The following ATP10D variants were observed in gnomAD, a reference collection of about 807,000 sequenced individuals.
The protein encoded by ATP10D is phospholipid-transporting ATPase VD.
ATP10D carries 89 observed loss-of-function variants against 144.8 expected under a neutral mutation model. The observed-to-expected ratio is 0.61, with a 90% CI of 0.52 to 0.73. The LOEUF (loss-of-function observed/expected upper bound fraction) is 0.73. ATP10D is among the 30% of genes least tolerant of loss of function. The pLI is 0.00. For missense variants in ATP10D, 1,603 were observed against 1,714.8 expected, an observed-to-expected ratio of 0.93 and a Z score of 1.15; for synonymous variants, 571 against 615.1, an observed-to-expected ratio of 0.93 and a Z score of 1.06.
Position 47,528,715 on chromosome 4 carries a change from C to T in ATP10D, c.776+3073C>T, listed in dbSNP as rs557642656. Among the ~76,000 whole-genome samples, 14 of 152,046 alleles carry T rather than the reference C, an allele frequency of 9.2e-5. No individual in the cohort carries two copies. The South Asian group carries it at 1.9e-3, about 20-fold the overall frequency. ...ACAAATGGTAGTTCTATTTTTAGTT[C>T]GTTGAGAGGTCTTCATACTGTTATC... On this transcript the variant is annotated intron_variant, in intron 5 of 22. Transcript: ENST00000273859.
chr4:47,591,340 G>A lies in ATP10D; in HGVS notation c.4240G>A (p.Ala1414Thr). Residue 1414 changes from alanine (A) to threonine (T), a missense_variant, in exon 23 of 23, where the codon GCC (alanine) becomes ACC (threonine). Ala to Thr is a moderately conservative substitution (Grantham distance 58). Transcript: ENST00000273859. ...ALDQGYSETK[A>T]FEMAGPSKGK... ...AGATCAAGGCTACTCTGAAACTAAG[G>A]CCTTTGAGATGGCTGGACCCTCCAA... The A allele has an allele frequency of 1.2e-6, 2 of 1,612,702 alleles. No individual in the cohort carries two copies. Among genetic ancestry groups the A allele is most frequent in the Non-Finnish European group, 8.5e-7 (1 of 1,179,082 alleles).
intron 10 of ATP10D, among the ~76,000 whole-genome samples, chr4:47,552,275 G>A (rs530152575): frequency 3.9e-5 from 6 of 152,198 alleles, no homozygotes; most frequent in Admixed American, 2.0e-4. Context: ...GGCATATTAC[G>A]TTGACTACAT....
chr4:47,511,199 A>T (rs1162820247), intron 1 of ATP10D, among the ~76,000 whole-genome samples: 4 of 152,218 alleles, frequency 2.6e-5, no homozygotes, highest in Non-Finnish European at 5.9e-5. Context: ...TATTGAAGAG[A>T]TAGTAAATGT....
At chr4:47,521,722 C>G (rs12503999) in intron 3 of ATP10D, among the ~76,000 whole-genome samples, 42,784 of 152,044 alleles carry the variant, frequency 0.28, 6,495 homozygotes, top group Admixed American at 0.35. Context: ...CCTTTTTTAT[C>G]TTTGCTCTGT....
chr4:47,506,286 A>C (rs967470558), intron 1 of ATP10D, among the ~76,000 whole-genome samples: 5 of 152,234 alleles, frequency 3.3e-5, no homozygotes, highest in African/African-American at 7.2e-5. Flanking sequence ...CTGAAAAATG[A>C]AATGAAATTC....
At position 47,592,507 on chromosome 4, in the gene ATP10D, G is replaced by T. The variant is rs894040438; in HGVS notation, c.*1126G>T. On this transcript the variant is annotated 3_prime_UTR_variant, in exon 23 of 23. Coordinates refer to ENST00000273859, the MANE Select transcript of ATP10D (RefSeq NM_020453.4). ...TATGCTGGCTTTAGTTGTAACAAAC[G>T]ATTTTATTCTAAGTAAGGCCAGGTG... 1 of 152,458 alleles carries T rather than the reference G, an allele frequency of 6.6e-6. No homozygotes were observed. The highest frequency in any genetic ancestry group is 1.5e-5 in the Non-Finnish European group (1 of 67,994). 9.4% of individuals were successfully genotyped at this position (152,458 alleles called of 1,614,324 possible).
At chr4:47,504,148 C>G (rs767096345) in intron 1 of ATP10D, among the ~76,000 whole-genome samples, 3 of 152,120 alleles carry the variant, frequency 2.0e-5, no homozygotes, top group Non-Finnish European at 2.9e-5. Context: ...GATTATGTAA[C>G]TTCATTATTC....
intron 1 of ATP10D, among the ~76,000 whole-genome samples, chr4:47,509,091 G>A (rs1214660391): frequency 2.0e-5 from 3 of 152,154 alleles, no homozygotes; most frequent in Admixed American, 6.6e-5. Flanking sequence ...AAGAGTGAAA[G>A]GCTCTTTCCT....
chr4:47,505,176 C>G (rs7699242), intron 1 of ATP10D, among the ~76,000 whole-genome samples: 1 of 152,010 alleles, frequency 6.6e-6, no homozygotes, highest in South Asian at 2.1e-4. Flanking sequence ...TTCTTGTATC[C>G]GCTGTCAAGC....
chr4:47,568,174 C>T (rs1719740212), intron 15 of ATP10D, among the ~76,000 whole-genome samples: 1 of 152,144 alleles, frequency 6.6e-6, no homozygotes, highest in Admixed American at 6.5e-5. Flanking sequence ...AGGATGTATG[C>T]AAAGGAGACG....
chr4:47,540,956 C>T (rs1200702552), intron 9 of ATP10D, among the ~76,000 whole-genome samples: 1 of 152,138 alleles, frequency 6.6e-6, no homozygotes, highest in African/African-American at 2.4e-5. Context: ...ATTTGTGAAT[C>T]TGATTTACAT....
chr4:47,520,958 A>G (rs1716917706), intron 3 of ATP10D, among the ~76,000 whole-genome samples: 1 of 152,176 alleles, frequency 6.6e-6, no homozygotes, highest in Admixed American at 6.5e-5. Flanking sequence ...ACTTTCTCCA[A>G]GGCCACCAGA....
Position 47,591,211 on chromosome 4 carries a change from T to A in ATP10D, c.4111T>A (p.Ser1371Thr). Residue 1371 changes from serine to threonine, a missense_variant, in exon 23 of 23, where the codon TCA (serine) becomes ACA (threonine). Ser to Thr is a moderately conservative substitution (Grantham distance 58, BLOSUM62 1). Transcript: ENST00000273859. Reference sequence around the variant, plus strand: ...GTATGCTAACCAATCAGCTGGCAAGTCAGGAAGAAGACCCATGCCTGGCCC... The same window carrying A: ...GTATGCTAACCAATCAGCTGGCAAGACAGGAAGAAGACCCATGCCTGGCCC... ...SKYANQSAGKSGRRPMPGPSA... is the reference protein window; with the variant it reads ...SKYANQSAGKTGRRPMPGPSA... The A allele has an allele frequency of 6.2e-7, 1 of 1,613,572 alleles. No homozygotes were observed. The highest frequency in any genetic ancestry group is 8.5e-7 in the Non-Finnish European group (1 of 1,179,614).
chr4:47,569,185 T>G (rs761444642), intron 16 of ATP10D, 39 bp downstream of exon 16: 17 of 1,586,930 alleles, frequency 1.1e-5, no homozygotes, highest in Non-Finnish European at 1.5e-5. Flanking sequence ...CTTCTCCCTT[T>G]CACACCACAC....
At position 47,563,604 on chromosome 4, in the gene ATP10D, C is replaced by G; in HGVS notation, c.2692C>G (p.Leu898Val). 1 of 1,610,256 alleles carries G rather than the reference C, an allele frequency of 6.2e-7. No individual in the cohort carries two copies. The highest frequency in any genetic ancestry group is 2.2e-5 in the East Asian group (1 of 44,830). Reference protein sequence around the residue: ...LLGATGIEDRLQEGVPESIEA... With the variant: ...LLGATGIEDRVQEGVPESIEA... Reference sequence around the variant, plus strand: ...AGGTGCTACTGGCATTGAAGACCGTCTGCAGGAGGGAGTCCCTGAATCTAT... The same window carrying G: ...AGGTGCTACTGGCATTGAAGACCGTGTGCAGGAGGGAGTCCCTGAATCTAT... Residue 898 changes from leucine to valine, a missense_variant, in exon 15 of 23, where the codon CTG becomes GTG. Transcript: ENST00000273859.
intron 5 of ATP10D, among the ~76,000 whole-genome samples, chr4:47,531,771 C>T (rs907796824): frequency 6.6e-6 from 1 of 152,074 alleles, no homozygotes; most frequent in Non-Finnish European, 1.5e-5. Flanking sequence ...CATTTTTTCA[C>T]CTGAGGTCAG....
intron 1 of ATP10D, among the ~76,000 whole-genome samples, chr4:47,497,731 A>G (rs1480744212): frequency 6.6e-6 from 1 of 152,256 alleles, no homozygotes; most frequent in Non-Finnish European, 1.5e-5. Context: ...CTATATATGC[A>G]TGAATAAGAA....
rs1238589872 is a variant in ATP10D, at chr4:47,536,775, T to C, written c.1233T>C (p.Asn411=). Residue 411 remains asparagine, a synonymous_variant, in exon 9 of 23, where the codon AAT becomes AAC. Coordinates refer to ENST00000273859, the MANE Select transcript of ATP10D (RefSeq NM_020453.4). ...YFIQSDVDFY[N]EKMDSIVQCR... ...TTCAAAGTGATGTGGATTTCTACAA[T>C]GAAAAAATGGATTCTATTGTTCAGT... 7.4e-6 allele frequency: 12 copies of C among 1,613,170 alleles called. No homozygotes were observed. Among genetic ancestry groups the C allele is most frequent in the Non-Finnish European group, 8.5e-7 (1 of 1,179,644 alleles).
intron 15 of ATP10D, among the ~76,000 whole-genome samples, chr4:47,564,661 G>A (rs1719507879): frequency 6.6e-6 from 1 of 152,116 alleles, no homozygotes. Context: ...CTTAGACTCA[G>A]CCCAGTTTTT....
Sources: gnomAD v4.1 joint callset for allele counts (sites outside exome capture counted in the v4.1 genomes callset) on GRCh38, gnomAD v4.1.1 for gene constraint, MANE v1.5 for transcripts, NCBI Gene and HGNC (gene_info 2026-07-23, HGNC 2026-07-21) for gene names.